Variants in PTDSS2 observed in about 807,000 individuals in gnomAD.
PTDSS2 encodes the protein PSS-2.
In PTDSS2, 41 loss-of-function variants were observed where a neutral mutation model predicts 64.7. That is an observed-to-expected ratio of 0.63 (90% CI 0.49 to 0.82). PTDSS2 has a LOEUF of 0.82. Among genes scored for constraint, PTDSS2 ranks in the 40% least tolerant of loss-of-function variants. The probability of loss-of-function intolerance (pLI) is 0.00; values close to 1 mark genes in which losing one functional copy is unlikely to be tolerated. For missense variants in PTDSS2, 485 were observed against 650.0 expected (o/e 0.75, Z 2.76); for synonymous variants, 297 against 277.8 (o/e 1.07, Z -0.69).
chr11:481,604 T>C (rs1848073993), intron 4 of PTDSS2, among the ~76,000 whole-genome samples: 1 of 152,238 alleles, frequency 6.6e-6, no homozygotes. Context: ...GTTCATTGTG[T>C]GCTCTTGTAA....
intron 6 of PTDSS2, 150 bp downstream of exon 6, chr11:487,620 G>C (rs1021456376): frequency 1.3e-6 from 1 of 742,724 alleles, no homozygotes; most frequent in African/African-American, 1.7e-5. Flanking sequence ...TCGAGAAGCC[G>C]TGGGGCTCCC....
intron 1 of PTDSS2, chr11:451,293 T>TG: frequency 7.3e-6 from 3 of 408,922 alleles, no homozygotes; most frequent in South Asian, 4.9e-5. Context: ...CTGCCTTTAA[T>TG]GGGGGTGGAA....
chr11:451,861 G>C (rs981700941), intron 1 of PTDSS2, among the ~76,000 whole-genome samples: 19 of 152,320 alleles, frequency 1.2e-4, no homozygotes, highest in Middle Eastern at 3.4e-3. Context: ...CTGTTGCAGG[G>C]AGGGCATCCG....
chr11:450,463 G>A lies in PTDSS2; in HGVS notation c.8G>A (p.Arg3Lys), dbSNP rs531338729. Residue 3 changes from arginine to lysine, a missense_variant, in exon 1 of 12, where the codon AGG (arginine) becomes AAG (lysine). Around this residue, in one of 3 missense-constraint regions of PTDSS2, gnomAD observed 251 missense variants for 348.0 expected, o/e 0.72. Transcript: ENST00000308020. MR[R>K]GERRDAGGPR... ...GCTCCGGGCCGAAACGCCATGCGGA[G>A]GGGCGAGCGCAGGGACGCCGGAGGT... The A allele has an allele frequency of 1.0e-3, 1,259 of 1,229,360 alleles. 13 individuals are homozygous for A. The African/African-American group carries it at 0.018, about 17-fold the overall frequency. 76.2% of individuals were successfully genotyped at this position (1,229,360 alleles called of 1,614,324 possible).
At chr11:489,292 C>A in intron 8 of PTDSS2, 108 bp from the exon 9 acceptor site, 1 of 900,998 alleles carries the variant, frequency 1.1e-6, no homozygotes, top group Non-Finnish European at 1.7e-6. Flanking sequence ...AGAGCTCGTC[C>A]GATGGCACAG....
At chr11:484,152 A>T (rs1361590065) in intron 4 of PTDSS2, among the ~76,000 whole-genome samples, 1 of 152,192 alleles carries the variant, frequency 6.6e-6, no homozygotes, top group Non-Finnish European at 1.5e-5. Context: ...TTGCATATTT[A>T]TTTCAGCGCT....
intron 4 of PTDSS2, among the ~76,000 whole-genome samples, chr11:486,581 G>A (rs1302815343): frequency 6.6e-6 from 1 of 152,150 alleles, no homozygotes; most frequent in Non-Finnish European, 1.5e-5. Flanking sequence ...GGTGGCTCAC[G>A]GCTGTAATCC....
At chr11:481,008 C>T (rs1390569404) in intron 4 of PTDSS2, among the ~76,000 whole-genome samples, 4 of 150,762 alleles carry the variant, frequency 2.7e-5, no homozygotes, top group African/African-American at 9.8e-5. Flanking sequence ...GGCCTGAACC[C>T]GGGAGGCAGA....
At position 460,473 on chromosome 11, in the gene PTDSS2, G is replaced by T; in HGVS notation, c.284+185G>T. ...CCAGGGCTGCCCTTGGTGCTGCGTGGCGTTCCCGGTCAGCCCCCGTCGCCT... is the reference window on the plus strand; with the variant it reads ...CCAGGGCTGCCCTTGGTGCTGCGTGTCGTTCCCGGTCAGCCCCCGTCGCCT... On this transcript the variant is annotated intron_variant, in intron 2 of 11. Coordinates refer to ENST00000308020, the MANE Select transcript of PTDSS2 (RefSeq NM_030783.3). This position sits in a 1 kb window ranked among gnomAD's most constrained non-coding sequence, Gnocchi z 5.8. The T allele has an allele frequency of 1.7e-6, 1 of 573,822 alleles. No homozygotes were observed. The highest frequency in any genetic ancestry group is 2.1e-5 in the South Asian group (1 of 47,844). 35.5% of individuals were successfully genotyped at this position (573,822 alleles called of 1,614,324 possible). A position where few individuals can be genotyped will look rare whatever the true frequency, so the allele number is the denominator to read the frequency against.
In PTDSS2 at chr11:477,943, G is replaced by A. The variant is rs979322825; in HGVS notation, c.368-1142G>A. On this transcript the variant is annotated intron_variant, in intron 3 of 11. Coordinates refer to ENST00000308020, the MANE Select transcript of PTDSS2 (RefSeq NM_030783.3). ...CAGCTTTTCCTAAGAACGCCAGGGCGTTTGTATTTCCTGCCAATGATGGCG... is the reference window on the plus strand; with the variant it reads ...CAGCTTTTCCTAAGAACGCCAGGGCATTTGTATTTCCTGCCAATGATGGCG... 3.3e-5 allele frequency among the ~76,000 whole-genome samples: 5 copies of A among 152,380 alleles called. 1 individual carries two copies. Among genetic ancestry groups the A allele is most frequent in the African/African-American group, 7.2e-5 (3 of 41,588 alleles).
Position 455,970 on chromosome 11 carries a change from G to A in PTDSS2, c.183-4217G>A, listed in dbSNP as rs545783744. 1.2e-4 allele frequency among the ~76,000 whole-genome samples: 19 copies of A among 152,094 alleles called. No individual in the cohort carries two copies. The East Asian group carries it at 2.7e-3, about 22-fold the overall frequency. ...CAGGAGGCTCCGGGCCCCACCCCCC[G>A]CCTTGCTGCATGACCTTCACAGTGT... is the stretch of plus-strand genomic sequence containing the variant. On this transcript the variant is annotated intron_variant, in intron 1 of 11. Coordinates refer to ENST00000308020, the MANE Select transcript of PTDSS2 (RefSeq NM_030783.3).
At chr11:489,768 CG>C (rs776507344) in intron 10 of PTDSS2, 35 bp downstream of exon 10, 2 of 1,594,768 alleles carry the variant, frequency 1.3e-6, no homozygotes, top group Non-Finnish European at 1.7e-6. Context: ...GAGACACCCC[CG>C]GGGGGCAGGG....
At chr11:488,383 C>A in intron 7 of PTDSS2, 71 bp downstream of exon 7, 1 of 1,420,924 alleles carries the variant, frequency 7.0e-7, no homozygotes, top group Non-Finnish European at 9.9e-7. Context: ...CTGTGCCCAG[C>A]GCGGCCCCTG....
Position 460,385 on chromosome 11 carries a change from C to T in PTDSS2, c.284+97C>T. ...CTCGGGCTGCCGGGGGCTCAGAAGG[C>T]CTTCACCAGAGGGCTGCGTGGGGCC... is the stretch of plus-strand genomic sequence containing the variant. On this transcript the variant is annotated intron_variant, in intron 2 of 11. Coordinates refer to ENST00000308020, the MANE Select transcript of PTDSS2 (RefSeq NM_030783.3). This position sits in a 1 kb window ranked among gnomAD's most constrained non-coding sequence, Gnocchi z 5.8. 9.9e-7 allele frequency: 1 copy of T among 1,005,402 alleles called. No individual in the cohort carries two copies. Among genetic ancestry groups the T allele is most frequent in the Non-Finnish European group, 1.5e-6 (1 of 651,066 alleles). The allele number at this position is 1,005,402 out of a possible 1,614,324, so 62.3% of individuals were successfully genotyped here. A position where few individuals can be genotyped will look rare whatever the true frequency, so the allele number is the denominator to read the frequency against.
chr11:473,614 A>C (rs796966455), intron 2 of PTDSS2, among the ~76,000 whole-genome samples: 29 of 113,950 alleles, frequency 2.5e-4, no homozygotes, highest in Middle Eastern at 5.2e-3. Context: ...GCCGCGGAGG[A>C]GGCAAATGTG....
At chr11:469,676 A>T (rs570732453) in intron 2 of PTDSS2, among the ~76,000 whole-genome samples, 2 of 152,096 alleles carry the variant, frequency 1.3e-5, no homozygotes, top group East Asian at 3.9e-4. Context: ...GTTGCTGTAC[A>T]AGCTGAGGGG....
intron 3 of PTDSS2, among the ~76,000 whole-genome samples, chr11:477,504 A>G (rs1003263834): frequency 6.6e-6 from 1 of 152,170 alleles, no homozygotes; most frequent in Non-Finnish European, 1.5e-5. Context: ...CCGGGGCGGC[A>G]GCCTGGTGCT....
chr11:485,204 G>A (rs1213974442), intron 4 of PTDSS2, among the ~76,000 whole-genome samples: 1 of 143,846 alleles, frequency 7.0e-6, no homozygotes, highest in Non-Finnish European at 1.5e-5. Flanking sequence ...GCACAGGCGC[G>A]TGTGTGCTCA....
Position 461,372 on chromosome 11 carries a change from G to C in PTDSS2, c.284+1084G>C, listed in dbSNP as rs141948554. Among the ~76,000 whole-genome samples, 1 of 152,176 alleles carries C rather than the reference G, an allele frequency of 6.6e-6. No homozygotes were observed. Among genetic ancestry groups the C allele is most frequent in the African/African-American group, 2.4e-5 (1 of 41,436 alleles). On this transcript the variant is annotated intron_variant, in intron 2 of 11. Transcript: ENST00000308020. The surrounding 1 kb of genome is among the most constrained non-coding windows in gnomAD (Gnocchi z 4.2). The stretch of plus-strand genomic sequence containing the variant: ...GTGCCCTGTCTGTAGGGGAGCGGAT[G>C]CTTTAGAATCACGCACAGCAGACCT...
Sources: allele counts gnomAD v4.1 joint callset (sites outside exome capture counted in the v4.1 genomes callset), GRCh38; gene constraint gnomAD v4.1.1; regional missense constraint gnomAD v4.1.1; non-coding constraint Gnocchi (gnomAD v3.1); transcripts MANE v1.5; gene names NCBI Gene and HGNC (gene_info 2026-07-23, HGNC 2026-07-21).